The following TOGARAM1 variants were observed in gnomAD, a reference collection of about 807,000 sequenced individuals.
The protein encoded by TOGARAM1 is TOG array regulator of axonemal microtubules 1.
A neutral mutation model predicts 166.6 loss-of-function variants in TOGARAM1; 100 were observed. The ratio of observed to expected loss-of-function variants is 0.60; its 90% CI spans 0.51 to 0.71. TOGARAM1 has a LOEUF of 0.71. TOGARAM1 is among the 30% of genes least tolerant of loss of function. The pLI, the probability that TOGARAM1 is intolerant of heterozygous loss-of-function variation, is 0.00. For synonymous variants in TOGARAM1, 758 were observed against 763.8 expected (o/e 0.99, Z 0.13); for missense variants, 2,029 against 2,102.7 (o/e 0.96, Z 0.69).
At chr14:44,967,428 G>A (rs559705091) in intron 1 of TOGARAM1, among the ~76,000 whole-genome samples, 2 of 152,144 alleles carry the variant, frequency 1.3e-5, no homozygotes, top group South Asian at 2.1e-4. Context: ...TTAAGATTTC[G>A]TTACAGTTCT....
In TOGARAM1 at chr14:45,064,983, A is replaced by T. The variant is rs1231941462; in HGVS notation, c.4560-1595A>T. Among the ~76,000 whole-genome samples the T allele has an allele frequency of 2.6e-5, 4 of 152,012 alleles. No individual in the cohort carries two copies. The East Asian group carries it at 7.7e-4, about 29-fold the overall frequency. On this transcript the variant is annotated intron_variant, in intron 16 of 19. Transcript: ENST00000361462. The stretch of plus-strand genomic sequence containing the variant: ...TTTTAAAGTGGTTGATCTAGACTTT[A>T]TAATATTATAATGTGCATCTTTACT...
At chr14:45,011,901 T>A (rs1008338208) in intron 6 of TOGARAM1, 74 bp from the exon 7 acceptor site, 1 of 1,020,562 alleles carries the variant, frequency 9.8e-7, no homozygotes, top group African/African-American at 1.6e-5. Flanking sequence ...ATAAGGAGAA[T>A]AGACAATATG....
intron 8 of TOGARAM1, 122 bp from the exon 9 acceptor site, chr14:45,027,177 C>T: frequency 1.2e-6 from 1 of 863,160 alleles, no homozygotes; most frequent in Middle Eastern, 2.3e-4. Context: ...AATTATTTAG[C>T]ATGTTTTTCT....
rs376594932 is a variant in TOGARAM1, at chr14:45,028,964, G to A, written c.3658+635G>A. ...TAGATAGCAACAAAATACTCAAGAAGGTTACAAAAATACTCTAAATTTAAT... is the reference window on the plus strand; with the variant it reads ...TAGATAGCAACAAAATACTCAAGAAAGTTACAAAAATACTCTAAATTTAAT... On this transcript the variant is annotated intron_variant, in intron 10 of 19. Transcript: ENST00000361462. Among the ~76,000 whole-genome samples the A allele has an allele frequency of 1.3e-3, 203 of 152,040 alleles. 5 individuals are homozygous for A. The South Asian group carries it at 0.04, about 30-fold the overall frequency.
intron 13 of TOGARAM1, among the ~76,000 whole-genome samples, chr14:45,045,524 T>G (rs1881943214): frequency 8.0e-6 from 1 of 124,564 alleles, no homozygotes; most frequent in African/African-American, 3.0e-5. Context: ...GGCAGAGTAG[T>G]ATTCCATGGT....
chr14:45,011,939 C>T (rs1297673963), intron 6 of TOGARAM1, 36 bp from the exon 7 acceptor site: 2 of 1,454,538 alleles, frequency 1.4e-6, no homozygotes, highest in African/African-American at 2.8e-5. Context: ...AGCACTAAAT[C>T]TTAATGTTTA....
chr14:44,976,435 A>G (rs776046121), intron 1 of TOGARAM1, among the ~76,000 whole-genome samples: 21 of 152,134 alleles, frequency 1.4e-4, no homozygotes, highest in Admixed American at 5.2e-4. Context: ...AGTGCTTACT[A>G]TTACAGTGAA....
At chr14:44,988,951 T>C (rs1211541983) in intron 1 of TOGARAM1, among the ~76,000 whole-genome samples, 3 of 152,188 alleles carry the variant, frequency 2.0e-5, no homozygotes, top group Non-Finnish European at 4.4e-5. Context: ...CTAGCTAACA[T>C]TTTGATTGCA....
chr14:45,015,300 A>G (rs990509793), intron 7 of TOGARAM1, among the ~76,000 whole-genome samples: 1 of 149,036 alleles, frequency 6.7e-6, no homozygotes, highest in Non-Finnish European at 1.5e-5. Flanking sequence ...GCAAGAGCCT[A>G]TCTCAAAAAA....
chr14:44,988,483 A>T (rs1368494486), intron 1 of TOGARAM1, among the ~76,000 whole-genome samples: 1 of 152,192 alleles, frequency 6.6e-6, no homozygotes, highest in African/African-American at 2.4e-5. Flanking sequence ...TAGATAATCT[A>T]ATTTTGATTA....
chr14:44,974,386 A>ATATCCTTATATTATCCTTTTG (rs1886067344), intron 1 of TOGARAM1, among the ~76,000 whole-genome samples: 1 of 151,986 alleles, frequency 6.6e-6, no homozygotes, highest in South Asian at 2.1e-4. Flanking sequence ...CATGACTTAT[A>ATATCCTTATATTATCCTTTTG]TTATCCTTTT....
At position 44,962,260 on chromosome 14, in the gene TOGARAM1, A is replaced by C; in HGVS notation, c.-162A>C. The stretch of plus-strand genomic sequence containing the variant: ...GCTCAGACGGGGGCCATTTTGCCAG[A>C]GGCTGCCTCCCGGAGTTGGGGGCGG... On this transcript the variant is annotated 5_prime_UTR_variant, in exon 1 of 20. Transcript: ENST00000361462. 1.2e-6 allele frequency: 1 copy of C among 835,954 alleles called. No individual in the cohort carries two copies. Among genetic ancestry groups the C allele is most frequent in the Admixed American group, 3.4e-5 (1 of 29,440 alleles). 51.8% of individuals were successfully genotyped at this position (835,954 alleles called of 1,614,324 possible). A position where few individuals can be genotyped will look rare whatever the true frequency, so the allele number is the denominator to read the frequency against.
chr14:44,977,150 T>C (rs967899159), intron 1 of TOGARAM1, among the ~76,000 whole-genome samples: 1 of 152,068 alleles, frequency 6.6e-6, no homozygotes, highest in African/African-American at 2.4e-5. Context: ...TATTCTGCTT[T>C]ATATATATGA....
chr14:45,004,198 A>T lies in TOGARAM1; in HGVS notation c.2476A>T (p.Ser826Cys). 1 of 1,614,078 alleles carries T rather than the reference A, an allele frequency of 6.2e-7. No homozygotes were observed. The highest frequency in any genetic ancestry group is 1.1e-5 in the South Asian group (1 of 91,082). The change falls in exon 4 of 20, where the codon AGT becomes TGT. Residue 826 changes from serine to cysteine, a missense_variant. Ser to Cys is a moderately radical substitution (Grantham distance 112). Coordinates refer to ENST00000361462, the MANE Select transcript of TOGARAM1 (RefSeq NM_001308120.2). ...PSYPVSSPRT[S>C]PKHTSPLIIS... ...CTATCCTGTCTCATCACCTCGAACT[A>T]GTCCAAAGCATACATCTCCTCTTAT...
At chr14:45,006,485 A>G (rs111293933) in intron 5 of TOGARAM1, 7 of 384,996 alleles carry the variant, frequency 1.8e-5, no homozygotes, top group African/African-American at 8.1e-5. Flanking sequence ...ACTCTACTGT[A>G]TTTTCTTCAA....
chr14:45,030,223 A>G (rs1881080547), intron 10 of TOGARAM1, among the ~76,000 whole-genome samples: 1 of 152,218 alleles, frequency 6.6e-6, no homozygotes, highest in Non-Finnish European at 1.5e-5. Context: ...TCAGGTGAAA[A>G]CAAAATAAAG....
chr14:45,031,548 G>T (rs1881155590), intron 10 of TOGARAM1, among the ~76,000 whole-genome samples: 1 of 152,092 alleles, frequency 6.6e-6, no homozygotes, highest in African/African-American at 2.4e-5. Flanking sequence ...TCACTTCTCA[G>T]TTATAAAACA....
intron 1 of TOGARAM1, among the ~76,000 whole-genome samples, chr14:44,968,323 G>T (rs553287573): frequency 2.0e-5 from 3 of 152,084 alleles, no homozygotes; most frequent in Non-Finnish European, 2.9e-5. Context: ...GCAGTGGCGC[G>T]ATCTCGGCTC....
At chr14:45,045,543 GTATATATATATA>G (rs375962126) in intron 13 of TOGARAM1, among the ~76,000 whole-genome samples, 122 of 38,908 alleles carry the variant, frequency 3.1e-3, no homozygotes, top group East Asian at 0.018. Context: ...GTCTGTGTGT[GTATATATATATA>G]TATATATATA....
Sources: gnomAD v4.1 joint callset for allele counts (sites outside exome capture counted in the v4.1 genomes callset) on GRCh38, gnomAD v4.1.1 for gene constraint, MANE v1.5 for transcripts, NCBI Gene and HGNC (gene_info 2026-07-23, HGNC 2026-07-21) for gene names.